COL23A1: variants seen among roughly 807,000 people sequenced by gnomAD.
The protein encoded by COL23A1 is collagen type XXIII alpha 1 chain.
A neutral mutation model predicts 99.3 loss-of-function variants in COL23A1; 97 were observed. The ratio of observed to expected loss-of-function variants is 0.98; its 90% confidence interval spans 0.83 to 1.16. The LOEUF (loss-of-function observed/expected upper bound fraction) is 1.16. Ranked by LOEUF, COL23A1 falls within the 50% of genes most tolerant of loss-of-function variation. COL23A1 has a pLI of 0.00. For missense variants in COL23A1, 762 were observed against 757.4 expected (o/e 1.01, Z -0.07); for synonymous variants, 320 against 308.2 (o/e 1.04, Z -0.40).
At chr5:178,494,616 A>G (rs1317193941) in intron 2 of COL23A1, among the ~76,000 whole-genome samples, 1 of 152,220 alleles carries the variant, frequency 6.6e-6, no homozygotes, top group Admixed American at 6.5e-5. Flanking sequence ...TGGAGGCTGC[A>G]CTGAGCCGAG....
chr5:178,377,157 G>A (rs1281871705), intron 2 of COL23A1, among the ~76,000 whole-genome samples: 1 of 152,180 alleles, frequency 6.6e-6, no homozygotes, highest in African/African-American at 2.4e-5. Flanking sequence ...AGTCAGCAGT[G>A]GGCAGCGGGT....
In COL23A1 at chr5:178,254,733, C is replaced by T. The variant is rs530200656; in HGVS notation, c.960+216G>A. ...TTTTTGACTTGGCCTCTAGGGAGCT[C>T]GGGGCCACGTGGGCCACATTCACAG... On this transcript the variant is annotated intron_variant, in intron 16 of 28. Transcript: ENST00000390654. Among the ~76,000 whole-genome samples the T allele has an allele frequency of 7.5e-4, 114 of 152,214 alleles. 1 individual carries two copies. The highest frequency in any genetic ancestry group is 2.5e-3 in the African/African-American group (105 of 41,536).
intron 2 of COL23A1, among the ~76,000 whole-genome samples, chr5:178,453,236 T>C (rs144021338): frequency 1.4e-4 from 22 of 152,298 alleles, no homozygotes; most frequent in African/African-American, 5.3e-4. Context: ...GGAGGGACAC[T>C]GCATGAAACC....
At chr5:178,275,322 G>A (rs975242773) in intron 5 of COL23A1, among the ~76,000 whole-genome samples, 6 of 152,206 alleles carry the variant, frequency 3.9e-5, no homozygotes, top group South Asian at 2.1e-4. Flanking sequence ...GGAGCGACCC[G>A]TGTGTGGCCT....
intron 2 of COL23A1, among the ~76,000 whole-genome samples, chr5:178,545,891 C>A (rs1015432227): frequency 2.0e-5 from 3 of 152,172 alleles, no homozygotes; most frequent in Non-Finnish European, 2.9e-5. Flanking sequence ...CTCAGTTTAT[C>A]CTCAAAACAA....
chr5:178,326,919 C>T (rs1240179366), intron 2 of COL23A1, among the ~76,000 whole-genome samples: 1 of 152,196 alleles, frequency 6.6e-6, no homozygotes, highest in Non-Finnish European at 1.5e-5. Context: ...GGGGTTTCAC[C>T]ATGCTGGTCA....
chr5:178,403,571 C>T (rs930341269), intron 2 of COL23A1, among the ~76,000 whole-genome samples: 15 of 152,222 alleles, frequency 9.9e-5, no homozygotes, highest in African/African-American at 3.4e-4. Context: ...CACCATATGC[C>T]AGGGCTCACA....
At chr5:178,338,301 G>T (rs142028592) in intron 2 of COL23A1, among the ~76,000 whole-genome samples, 20 of 150,704 alleles carry the variant, frequency 1.3e-4, no homozygotes, top group African/African-American at 4.3e-4. Flanking sequence ...TCTCCAGGAA[G>T]TCCAGAGGGC....
chr5:178,561,476 T>C (rs1762556287), intron 1 of COL23A1, among the ~76,000 whole-genome samples: 1 of 152,174 alleles, frequency 6.6e-6, no homozygotes, highest in African/African-American at 2.4e-5. Flanking sequence ...GGCAGGCTCC[T>C]GGCCCGATGG....
chr5:178,365,437 G>A lies in COL23A1; in HGVS notation c.362-58518C>T, dbSNP rs1762418690. On this transcript the variant is annotated intron_variant, in intron 2 of 28. Coordinates refer to ENST00000390654, the MANE Select transcript of COL23A1 (RefSeq NM_173465.4). This position sits in a 1 kb window ranked among gnomAD's most constrained non-coding sequence, Gnocchi z 5.2. ...CCGGACACTCACGCATTTCAGGTCT[G>A]ACGGGTACCCGCCACCCAATCCCTC... 6.6e-6 allele frequency among the ~76,000 whole-genome samples: 1 copy of A among 151,958 alleles called. No homozygotes were observed. Among genetic ancestry groups the A allele is most frequent in the African/African-American group, 2.4e-5 (1 of 41,378 alleles).
At chr5:178,519,213 C>A (rs971908297) in intron 2 of COL23A1, among the ~76,000 whole-genome samples, 1 of 152,284 alleles carries the variant, frequency 6.6e-6, no homozygotes, top group East Asian at 1.9e-4. Flanking sequence ...CTGCCCGCAG[C>A]CCCATTTTGT....
intron 17 of COL23A1, among the ~76,000 whole-genome samples, chr5:178,251,469 A>G (rs1354416174): frequency 1.3e-5 from 2 of 152,266 alleles, no homozygotes; most frequent in Non-Finnish European, 2.9e-5. Context: ...ATCCATGAAT[A>G]AATCAAAAGA....
intron 1 of COL23A1, among the ~76,000 whole-genome samples, chr5:178,561,478 G>A (rs996127024): frequency 3.3e-5 from 5 of 152,152 alleles, no homozygotes; most frequent in African/African-American, 1.2e-4. Context: ...CAGGCTCCTG[G>A]CCCGATGGAA....
rs1477293812 is a variant in COL23A1, at chr5:178,318,455, C to T, written c.362-11536G>A. 3.3e-5 allele frequency among the ~76,000 whole-genome samples: 5 copies of T among 152,324 alleles called. No individual in the cohort carries two copies. The South Asian group carries it at 6.2e-4, about 19-fold the overall frequency. On this transcript the variant is annotated intron_variant, in intron 2 of 28. Coordinates refer to ENST00000390654, the MANE Select transcript of COL23A1 (RefSeq NM_173465.4). ...AGCTGAAGGGAGGACTGAGCAAAAC[C>T]GATGGGAAGAGGGGAAAGCCCCTCA...
chr5:178,293,495 C>T (rs1431664334), intron 3 of COL23A1, among the ~76,000 whole-genome samples: 3 of 151,996 alleles, frequency 2.0e-5, no homozygotes, highest in African/African-American at 4.8e-5. Context: ...GGGGACTGAG[C>T]GGGAGAGGCT....
intron 2 of COL23A1, among the ~76,000 whole-genome samples, chr5:178,358,348 TTGTG>T (rs141314279): frequency 1.4e-4 from 21 of 148,876 alleles, no homozygotes; most frequent in South Asian, 2.2e-4. Flanking sequence ...AATGTGTGTA[TTGTG>T]TGTATGTGTA....
At chr5:178,408,235 G>A (rs1268410187) in intron 2 of COL23A1, among the ~76,000 whole-genome samples, 1 of 152,120 alleles carries the variant, frequency 6.6e-6, no homozygotes, top group Non-Finnish European at 1.5e-5. Context: ...TATCCTTCAG[G>A]AATAAAGGGG....
Position 178,270,698 on chromosome 5 carries a change from C to T in COL23A1, c.442-335G>A, listed in dbSNP as rs558880554. On this transcript the variant is annotated intron_variant, in intron 5 of 28. Transcript: ENST00000390654. The stretch of plus-strand genomic sequence containing the variant: ...TCAGCGATGAGCCTGGGATCCAAGG[C>T]GAGCCATGAGCATCTTGCCTGGGAC... Among the ~76,000 whole-genome samples, 6 of 152,280 alleles carry T rather than the reference C, an allele frequency of 3.9e-5. No homozygotes were observed. In the South Asian group the frequency reaches 1.2e-3, roughly 32 times the overall value.
chr5:178,560,738 C>T lies in COL23A1; in HGVS notation c.305G>A (p.Gly102Glu). 1.9e-6 allele frequency: 3 copies of T among 1,611,780 alleles called. No homozygotes were observed. Among genetic ancestry groups the T allele is most frequent in the Non-Finnish European group, 1.7e-6 (2 of 1,179,364 alleles). ...LERLLREKLD[G>E]LAKIRTAREA... ...CCGAGCAGTCCGGATCTTCGCTAGT[C>T]CGTCCAACTTCTGAGCCGGAAAAAA... The change falls in exon 2 of 29, where the codon GGA becomes GAA. Residue 102 changes from glycine to glutamate, a missense_variant. Physicochemically the swap from Gly to Glu is moderately conservative, Grantham distance 98 (BLOSUM62 -2). Transcript: ENST00000390654.
Sources: gnomAD v4.1 joint callset for allele counts (sites outside exome capture counted in the v4.1 genomes callset) on GRCh38, gnomAD v4.1.1 for gene constraint, Gnocchi (gnomAD v3.1) non-coding constraint, MANE v1.5 for transcripts, NCBI Gene and HGNC (gene_info 2026-07-23, HGNC 2026-07-21) for gene names.